The following NFRKB variants were observed in gnomAD, a reference collection of about 807,000 sequenced individuals.
NFRKB encodes the protein nuclear factor related to kappaB binding protein.
NFRKB carries 62 observed loss-of-function variants against 135.7 expected under a neutral mutation model. The observed-to-expected ratio is 0.46, with a 90% CI of 0.37 to 0.56. The LOEUF (loss-of-function observed/expected upper bound fraction) is 0.56, where lower values mean the gene tolerates loss of function less well. Among genes scored for constraint, NFRKB ranks in the 20% least tolerant of loss-of-function variants. NFRKB has a pLI of 0.00. For synonymous variants in NFRKB, 678 were observed against 635.6 expected (o/e 1.07, Z -1.00); for missense variants, 1,545 against 1,662.0 (o/e 0.93, Z 1.22).
intron 3 of NFRKB, among the ~76,000 whole-genome samples, chr11:129,890,025 T>G (rs1041097191): frequency 3.9e-5 from 4 of 103,492 alleles, no homozygotes; most frequent in East Asian, 3.0e-4. Flanking sequence ...TTTTGGGTTT[T>G]TTTGTTTTTT....
chr11:129,883,576 C>T (rs1240661418), intron 8 of NFRKB, among the ~76,000 whole-genome samples: 2 of 152,170 alleles, frequency 1.3e-5, no homozygotes, highest in South Asian at 2.1e-4. Context: ...TCAGTACTGA[C>T]TTCTGATGTG....
At chr11:129,869,182 C>T (rs1591476485) in intron 24 of NFRKB, among the ~76,000 whole-genome samples, 1 of 152,288 alleles carries the variant, frequency 6.6e-6, no homozygotes, top group African/African-American at 2.4e-5. Context: ...AGAACTGGAA[C>T]GTAGTCAGGT....
intron 8 of NFRKB, among the ~76,000 whole-genome samples, chr11:129,883,424 C>T (rs1015370225): frequency 6.6e-6 from 1 of 152,124 alleles, no homozygotes; most frequent in African/African-American, 2.4e-5. Flanking sequence ...ATCTTTCTAC[C>T]GTACAGCATT....
chr11:129,890,206 C>G (rs375097147), intron 3 of NFRKB, among the ~76,000 whole-genome samples: 2 of 151,744 alleles, frequency 1.3e-5, no homozygotes, highest in African/African-American at 2.4e-5. Context: ...AGGAAACAAC[C>G]CAGAAATCCA....
chr11:129,881,683 C>A, intron 12 of NFRKB, 44 bp downstream of exon 12: 5 of 1,605,908 alleles, frequency 3.1e-6, no homozygotes, highest in Non-Finnish European at 3.4e-6. Flanking sequence ...ATTAATTAGA[C>A]AAAAGGGGGA....
chr11:129,873,730 GGC>G lies in NFRKB; in HGVS notation c.2550+13_2550+14del. Reference sequence around the variant, plus strand: ...TGCATCTCTGCTTCCCAATGACCACGGCTTCCCTGTTTACCTGGGGCACTACT... The same window carrying G: ...TGCATCTCTGCTTCCCAATGACCACGTTCCCTGTTTACCTGGGGCACTACT... On this transcript the variant is annotated intron_variant, in intron 22 of 26. Coordinates refer to ENST00000682444, the MANE Select transcript of NFRKB (RefSeq NM_001143835.2). 6.2e-7 allele frequency: 1 copy of G among 1,607,320 alleles called. No homozygotes were observed. Among genetic ancestry groups the G allele is most frequent in the Non-Finnish European group, 8.5e-7 (1 of 1,174,318 alleles).
chr11:129,892,550 T>TA (rs111339947), intron 3 of NFRKB, among the ~76,000 whole-genome samples, 165 bp downstream of exon 3: 11 of 152,056 alleles, frequency 7.2e-5, no homozygotes, highest in African/African-American at 2.4e-4. Context: ...GGATATTAAA[T>TA]AGACTCTAAA....
chr11:129,868,502 C>T (rs1427502590), intron 24 of NFRKB, among the ~76,000 whole-genome samples: 2 of 152,216 alleles, frequency 1.3e-5, no homozygotes, highest in Non-Finnish European at 2.9e-5. Context: ...TGTGGCCTTT[C>T]AGGCGGCACC....
At chr11:129,891,179 G>A (rs1253847107) in intron 3 of NFRKB, among the ~76,000 whole-genome samples, 1 of 152,166 alleles carries the variant, frequency 6.6e-6, no homozygotes, top group Non-Finnish European at 1.5e-5. Flanking sequence ...GCAACAGCTA[G>A]GAGATGCAAT....
intron 3 of NFRKB, among the ~76,000 whole-genome samples, chr11:129,892,223 C>A (rs963659402): frequency 5.3e-5 from 8 of 152,164 alleles, no homozygotes; most frequent in Non-Finnish European, 2.9e-5. Context: ...TCCTTCCCCC[C>A]AAGTCCCCAG....
chr11:129,882,690 G>A (rs1220279698), intron 9 of NFRKB, 59 bp from the exon 10 acceptor site: 2 of 1,511,758 alleles, frequency 1.3e-6, no homozygotes, highest in Admixed American at 1.9e-5. Context: ...GGAAGTGAGG[G>A]GTCTTATCTG....
chr11:129,875,536 C>A, intron 17 of NFRKB, 73 bp from the exon 18 acceptor site: 1 of 1,175,616 alleles, frequency 8.5e-7, no homozygotes, highest in Non-Finnish European at 1.2e-6. Context: ...CCTGTACCTG[C>A]AGTGATGGGC....
intron 23 of NFRKB, among the ~76,000 whole-genome samples, chr11:129,871,309 G>A (rs1565394411): frequency 6.6e-6 from 1 of 152,048 alleles, no homozygotes; most frequent in Non-Finnish European, 1.5e-5. Flanking sequence ...CACGAGTACA[G>A]AGGCCAATCA....
rs781573322 is a variant in NFRKB at position 129,884,802 on chromosome 11, G to T, written c.685C>A (p.Pro229Thr). ...LPSSPARSPSPAVPLRVVPTL... is the reference protein window; with the variant it reads ...LPSSPARSPSTAVPLRVVPTL... Reference sequence around the variant, plus strand: ...GGCACCACCCGCAGGGGCACCGCAGGACTAGGAGAACGTGCTGGAGAGCTC... The same window carrying T: ...GGCACCACCCGCAGGGGCACCGCAGTACTAGGAGAACGTGCTGGAGAGCTC... Residue 229 changes from proline to threonine, a missense_variant, in exon 7 of 27, where the codon CCT (proline) becomes ACT (threonine). Pro to Thr is a conservative substitution (Grantham distance 38). Around this residue, in one of 3 missense-constraint regions of NFRKB, gnomAD observed 678 missense variants for 646.7 expected, o/e 1.05. Coordinates refer to ENST00000682444, the MANE Select transcript of NFRKB (RefSeq NM_001143835.2). 6.2e-7 allele frequency: 1 copy of T among 1,614,200 alleles called. No homozygotes were observed. The highest frequency in any genetic ancestry group is 2.2e-5 in the East Asian group (1 of 44,876).
intron 18 of NFRKB, 74 bp downstream of exon 18, chr11:129,875,283 T>C: frequency 1.6e-6 from 2 of 1,219,144 alleles, no homozygotes; most frequent in Non-Finnish European, 2.3e-6. Flanking sequence ...AATTTTGTTA[T>C]ATTTTGTATT....
rs1270990927 is a variant in NFRKB, at chr11:129,886,414, T to C, written c.368A>G (p.Tyr123Cys). The change falls in exon 5 of 27, where the codon TAC (tyrosine) becomes TGC (cysteine). Residue 123 changes from tyrosine (Y) to cysteine (C), a missense_variant. By Grantham distance (194) the Tyr-to-Cys change is radical (BLOSUM62 -2). This residue lies in a region of NFRKB where 678 missense variants were observed against 646.7 expected (regional missense o/e 1.05). Coordinates refer to ENST00000682444, the MANE Select transcript of NFRKB (RefSeq NM_001143835.2). ...CTGTGACTTGAAGCATAACTGCCGGTACTTGACCACCTCGGGGTTAAAGTG... is the reference window on the plus strand; with the variant it reads ...CTGTGACTTGAAGCATAACTGCCGGCACTTGACCACCTCGGGGTTAAAGTG... Reference protein sequence around the residue: ...DGHFNPEVVKYRQLCFKSQYK... With the variant: ...DGHFNPEVVKCRQLCFKSQYK... 1.2e-6 allele frequency: 2 copies of C among 1,614,058 alleles called. No individual in the cohort carries two copies. The highest frequency in any genetic ancestry group is 1.1e-5 in the South Asian group (1 of 91,082).
intron 15 of NFRKB, among the ~76,000 whole-genome samples, chr11:129,877,984 C>T (rs999975652): frequency 5.3e-5 from 8 of 152,156 alleles, no homozygotes; most frequent in African/African-American, 1.9e-4. Context: ...TTCATGCTTC[C>T]ATTTACTGGA....
intron 8 of NFRKB, 68 bp from the exon 9 acceptor site, chr11:129,883,274 A>G (rs1161098444): frequency 1.4e-5 from 16 of 1,132,096 alleles, no homozygotes; most frequent in Non-Finnish European, 2.0e-5. Flanking sequence ...TGACTTTGCC[A>G]ATTTATGTAA....
chr11:129,881,733 T>C lies in NFRKB; in HGVS notation c.1312A>G (p.Ser438Gly). 4.3e-6 allele frequency: 7 copies of C among 1,614,106 alleles called. No homozygotes were observed. The highest frequency in any genetic ancestry group is 5.9e-6 in the Non-Finnish European group (7 of 1,179,982). The change falls in exon 12 of 27, where the codon AGT becomes GGT. Residue 438 changes from serine to glycine, a missense_variant. Around this residue, in one of 3 missense-constraint regions of NFRKB, gnomAD observed 678 missense variants for 646.7 expected, o/e 1.05. Coordinates refer to ENST00000682444, the MANE Select transcript of NFRKB (RefSeq NM_001143835.2). ...LPALQYLAGE[S>G]RAVPSSFSPF... ...ACAAAAAAGAGCATCTTACCTCGACTTTCTCCAGCAAGATACTGCAGGGCT... is the reference window on the plus strand; with the variant it reads ...ACAAAAAAGAGCATCTTACCTCGACCTTCTCCAGCAAGATACTGCAGGGCT...
Sources: gnomAD v4.1 joint callset for allele counts (sites outside exome capture counted in the v4.1 genomes callset) on GRCh38, gnomAD v4.1.1 for gene constraint, gnomAD v4.1.1 regional missense constraint, MANE v1.5 for transcripts, NCBI Gene and HGNC (gene_info 2026-07-23, HGNC 2026-07-21) for gene names.